PCDH15: variants seen among roughly 807,000 people sequenced by gnomAD.
PCDH15 encodes protocadherin-15.
In PCDH15, 129 loss-of-function variants were observed where a neutral mutation model predicts 178.5. That is an observed-to-expected ratio of 0.72 (90% CI 0.63 to 0.84). PCDH15 has a LOEUF of 0.84. Among genes scored for constraint, PCDH15 ranks in the 40% least tolerant of loss-of-function variants. The pLI, the probability that PCDH15 is intolerant of heterozygous loss-of-function variation, is 0.00. For synonymous variants in PCDH15, 800 were observed against 732.0 expected (o/e 1.09, Z -1.50); for missense variants, 2,230 against 2,099.9 (o/e 1.06, Z -1.21).
At chr10:55,360,967 G>T (rs1174780343) in intron 2 of PCDH15, among the ~76,000 whole-genome samples, 2 of 151,958 alleles carry the variant, frequency 1.3e-5, no homozygotes, top group Admixed American at 1.3e-4. Flanking sequence ...ATGAATAAAT[G>T]ATGGTATATT....
chr10:54,318,988 G>A (rs2061435798), intron 7 of PCDH15, among the ~76,000 whole-genome samples: 1 of 152,098 alleles, frequency 6.6e-6, no homozygotes, highest in Non-Finnish European at 1.5e-5. Flanking sequence ...TATTAGAAAT[G>A]TAAATTGTTT....
rs548920896 is a variant in PCDH15 at position 55,428,895 on chromosome 10, T to C, written c.-156+198730A>G. 2.0e-3 allele frequency among the ~76,000 whole-genome samples: 306 copies of C among 152,162 alleles called. 3 individuals carry two copies. The highest frequency in any genetic ancestry group is 2.9e-3 in the Non-Finnish European group (200 of 67,880). ...TTTTTCCCATTATTTTTCCATTTTATGATAATTTATTGATCTAGAGTGTAC... is the reference window on the plus strand; with the variant it reads ...TTTTTCCCATTATTTTTCCATTTTACGATAATTTATTGATCTAGAGTGTAC... On this transcript the variant is annotated intron_variant, in intron 2 of 5. Coordinates refer to the PCDH15 transcript ENST00000613346.
At chr10:53,861,301 AC>A (rs2079092542) in intron 27 of PCDH15, among the ~76,000 whole-genome samples, 1 of 152,168 alleles carries the variant, frequency 6.6e-6, no homozygotes, top group Non-Finnish European at 1.5e-5. Flanking sequence ...TAGCTTAATA[AC>A]TAATGAAAGC....
At chr10:54,626,223 T>C (rs1401823281) in intron 2 of PCDH15, among the ~76,000 whole-genome samples, 1 of 152,086 alleles carries the variant, frequency 6.6e-6, no homozygotes, top group Non-Finnish European at 1.5e-5. Flanking sequence ...CCTAATGATG[T>C]GATAGAAAAG....
intron 2 of PCDH15, among the ~76,000 whole-genome samples, chr10:55,145,050 G>A (rs1000241241): frequency 1.3e-4 from 20 of 151,958 alleles, no homozygotes; most frequent in African/African-American, 4.6e-4. Flanking sequence ...GCATCTTTTT[G>A]TGGAAGTCTG....
chr10:54,129,627 G>A (rs760095206), intron 15 of PCDH15, among the ~76,000 whole-genome samples: 2 of 152,144 alleles, frequency 1.3e-5, no homozygotes, highest in Non-Finnish European at 2.9e-5. Flanking sequence ...AAGTAAATAA[G>A]ATGTGCCTGA....
intron 10 of PCDH15, 43 bp from the exon 11 acceptor site, chr10:54,195,932 G>C: frequency 6.4e-7 from 1 of 1,561,318 alleles, no homozygotes; most frequent in Non-Finnish European, 8.8e-7. Flanking sequence ...AGTATATGTC[G>C]TGCTATCTTT....
In PCDH15 at chr10:54,559,850, TAAAA is replaced by T. The variant is rs80250003; in HGVS notation, c.92-31977_92-31974del. 2.3e-3 allele frequency among the ~76,000 whole-genome samples: 170 copies of T among 73,096 alleles called. 1 individual carries two copies. The highest frequency in any genetic ancestry group is 0.014 in the East Asian group (30 of 2,102). The allele number at this position is 73,096 out of a possible 152,430, so 48.0% of individuals were successfully genotyped here. ...TTTGACATCTTGGTTTGTCTTATAGTAAAAAAAAAAAAAAAAAAAAAAAAGAAAA... is the reference window on the plus strand; with the variant it reads ...TTTGACATCTTGGTTTGTCTTATAGTAAAAAAAAAAAAAAAAAAAAGAAAA... On this transcript the variant is annotated intron_variant, in intron 2 of 37. Coordinates refer to ENST00000644397, the MANE Select transcript of PCDH15 (RefSeq NM_001384140.1).
intron 35 of PCDH15, among the ~76,000 whole-genome samples, chr10:53,815,325 G>A (rs1253487980): frequency 6.6e-6 from 1 of 152,130 alleles, no homozygotes; most frequent in Non-Finnish European, 1.5e-5. Flanking sequence ...CAGTTGTTGA[G>A]CTAGGAACTT....
chr10:54,199,124 T>C (rs2049981089), intron 10 of PCDH15, among the ~76,000 whole-genome samples: 1 of 152,142 alleles, frequency 6.6e-6, no homozygotes, highest in African/African-American at 2.4e-5. Flanking sequence ...AAATTACATA[T>C]AAAGGCTCTG....
chr10:55,429,343 T>C (rs1333271972), intron 2 of PCDH15, among the ~76,000 whole-genome samples: 1 of 152,146 alleles, frequency 6.6e-6, no homozygotes, highest in East Asian at 1.9e-4. Context: ...TTTTTGCTAA[T>C]GATAGGACAC....
rs369556856 is a variant in PCDH15 at position 55,254,078 on chromosome 10, T to C, written c.-156+65521A>G. 1.4e-4 allele frequency among the ~76,000 whole-genome samples: 22 copies of C among 152,302 alleles called. 1 individual carries two copies. The highest frequency in any genetic ancestry group is 1.4e-3 in the East Asian group (7 of 5,180). On this transcript the variant is annotated intron_variant, in intron 1 of 5. Transcript: ENST00000458638. ...ACTTGATTGTTACTGGTAGAAGGCA[T>C]GAAAACGCATTTATTACAGTTGTAA...
chr10:54,142,128 A>C (rs1248708123), intron 14 of PCDH15, among the ~76,000 whole-genome samples: 1 of 152,226 alleles, frequency 6.6e-6, no homozygotes, highest in African/African-American at 2.4e-5. Flanking sequence ...GCAATTAGAC[A>C]TATGGAATGA....
At position 53,802,822 on chromosome 10, in the gene PCDH15, T is replaced by C. The variant is rs913182709; in HGVS notation, c.*3757A>G. On this transcript the variant is annotated 3_prime_UTR_variant, in exon 38 of 38. Transcript: ENST00000644397. The stretch of plus-strand genomic sequence containing the variant: ...ACATTGTGTAGTGAATAACAATGCA[T>C]TTTAACTTAAAACTTCTAATTCAGA... The C allele has an allele frequency of 6.6e-6, 1 of 151,990 alleles. No homozygotes were observed. Among genetic ancestry groups the C allele is most frequent in the Admixed American group, 6.6e-5 (1 of 15,242 alleles). The allele number at this position is 151,990 out of a possible 1,614,324, so 9.4% of individuals were successfully genotyped here.
At chr10:55,278,229 G>T (rs1842645226) in intron 1 of PCDH15, among the ~76,000 whole-genome samples, 1 of 151,608 alleles carries the variant, frequency 6.6e-6, no homozygotes. Flanking sequence ...TTTTTGAAAG[G>T]GAGAGTAACA....
chr10:53,820,660 G>C (rs2076226816), intron 32 of PCDH15, among the ~76,000 whole-genome samples: 1 of 151,818 alleles, frequency 6.6e-6, no homozygotes, highest in African/African-American at 2.4e-5. Context: ...TGTGTTTCAT[G>C]GGAAAAACAA....
chr10:54,260,310 A>C (rs2057217047), intron 8 of PCDH15, among the ~76,000 whole-genome samples: 2 of 151,888 alleles, frequency 1.3e-5, no homozygotes, highest in South Asian at 4.2e-4. Flanking sequence ...TTTTTTGAGA[A>C]GGAATCTCTC....
At chr10:54,624,124 T>C (rs1014331232) in intron 2 of PCDH15, among the ~76,000 whole-genome samples, 4 of 152,160 alleles carry the variant, frequency 2.6e-5, no homozygotes, top group Non-Finnish European at 4.4e-5. Flanking sequence ...ATATGTTAAT[T>C]AGTTTTATAA....
intron 3 of PCDH15, among the ~76,000 whole-genome samples, chr10:54,471,844 A>G (rs1272401836): frequency 6.6e-6 from 1 of 152,164 alleles, no homozygotes; most frequent in African/African-American, 2.4e-5. Flanking sequence ...TAAATACTGC[A>G]AAATACTTTT....
Sources: gnomAD v4.1 joint callset for allele counts (sites outside exome capture counted in the v4.1 genomes callset) on GRCh38, gnomAD v4.1.1 for gene constraint, MANE v1.5 for transcripts, NCBI Gene and HGNC (gene_info 2026-07-23, HGNC 2026-07-21) for gene names.